FTCDNL1: variants seen among roughly 807,000 people sequenced by gnomAD.
FTCDNL1 encodes the protein formiminotransferase cyclodeaminase N-terminal like.
A neutral mutation model predicts 5.9 loss-of-function variants in FTCDNL1; 11 were observed. That is an observed-to-expected ratio of 1.87 (90% CI 1.18 to 3.10). The LOEUF (loss-of-function observed/expected upper bound fraction) is 3.10, where lower values mean the gene tolerates loss of function less well. Among genes scored for constraint, FTCDNL1 ranks in the 30% most tolerant of loss-of-function variants. The probability of loss-of-function intolerance (pLI) is 0.00; values close to 1 mark genes in which losing one functional copy is unlikely to be tolerated. For missense variants in FTCDNL1, 115 were observed against 65.5 expected (o/e 1.76, Z -2.61); for synonymous variants, 58 against 24.8 (o/e 2.34, Z -3.99).
intron 3 of FTCDNL1, among the ~76,000 whole-genome samples, chr2:199,793,722 A>G (rs966082690): frequency 2.6e-5 from 4 of 152,224 alleles, no homozygotes; most frequent in Admixed American, 6.5e-5. Flanking sequence ...CCCCTTAAAC[A>G]TACGGCATTG....
the FTCDNL1 span, among the ~76,000 whole-genome samples, chr2:199,746,698 A>G: frequency 6.6e-6 from 1 of 151,944 alleles, no homozygotes; most frequent in African/African-American, 2.4e-5. Context: ...CTGAACCCTC[A>G]TGAATGAGAC....
the FTCDNL1 span, among the ~76,000 whole-genome samples, chr2:199,721,720 G>C: frequency 6.6e-6 from 1 of 152,118 alleles, no homozygotes; most frequent in Non-Finnish European, 1.5e-5. Flanking sequence ...CACAATAGTT[G>C]AGCTAATTTA....
At chr2:199,680,016 T>C in the FTCDNL1 span, among the ~76,000 whole-genome samples, 2 of 152,216 alleles carry the variant, frequency 1.3e-5, no homozygotes. Context: ...AGTCCTTTTA[T>C]ATTAGAGCTT....
At chr2:199,715,658 A>G in the FTCDNL1 span, among the ~76,000 whole-genome samples, 6 of 152,198 alleles carry the variant, frequency 3.9e-5, no homozygotes, top group Admixed American at 6.6e-5. Flanking sequence ...TTATCCATTG[A>G]AACATCCCTA....
chr2:199,818,489 C>T lies in FTCDNL1; in HGVS notation c.397+1083G>A, dbSNP rs79265171. On this transcript the variant is annotated intron_variant, in intron 4 of 4. Coordinates refer to ENST00000420128, the MANE Select transcript of FTCDNL1 (RefSeq NM_001363886.2). ...CAATAATGAGAGGGAGACATTATTA[C>T]GTCCGTTTTATAGATACGGGAACCA... The T allele has an allele frequency of 3.9e-3, 598 of 152,168 alleles. 4 individuals carry two copies. The highest frequency in any genetic ancestry group is 0.014 in the African/African-American group (568 of 41,508). 9.4% of individuals were successfully genotyped at this position (152,168 alleles called of 1,614,324 possible).
chr2:199,685,445 G>T, the FTCDNL1 span, among the ~76,000 whole-genome samples: 1 of 152,006 alleles, frequency 6.6e-6, no homozygotes, highest in Admixed American at 6.6e-5. Context: ...CTTTACTTCG[G>T]ACCCCATGTT....
chr2:199,664,713 C>A, the FTCDNL1 span, among the ~76,000 whole-genome samples: 1 of 152,188 alleles, frequency 6.6e-6, no homozygotes, highest in Non-Finnish European at 1.5e-5. Flanking sequence ...CCAAAAATCA[C>A]AAAACTAATT....
At chr2:199,750,271 T>C in the FTCDNL1 span, among the ~76,000 whole-genome samples, 1 of 151,898 alleles carries the variant, frequency 6.6e-6, no homozygotes, top group Non-Finnish European at 1.5e-5. Context: ...GGTGGGAGGA[T>C]TGCTAGAGCC....
At chr2:199,826,532 C>T (rs375833838) in intron 3 of FTCDNL1, among the ~76,000 whole-genome samples, 26 of 150,580 alleles carry the variant, frequency 1.7e-4, no homozygotes, top group African/African-American at 5.9e-4. Context: ...CGGTGGCTTA[C>T]GCCCATAATC....
chr2:199,685,456 C>A, the FTCDNL1 span, among the ~76,000 whole-genome samples: 3 of 152,166 alleles, frequency 2.0e-5, no homozygotes, highest in African/African-American at 7.2e-5. Context: ...ACCCCATGTT[C>A]ATTTAACTGC....
At chr2:199,742,568 G>A in the FTCDNL1 span, among the ~76,000 whole-genome samples, 2 of 152,144 alleles carry the variant, frequency 1.3e-5, no homozygotes, top group African/African-American at 2.4e-5. Flanking sequence ...TAGTTATTGT[G>A]TGTTAACTAT....
chr2:199,762,138 T>C (rs1056745891), intron 3 of FTCDNL1, among the ~76,000 whole-genome samples: 1 of 152,210 alleles, frequency 6.6e-6, no homozygotes, highest in East Asian at 1.9e-4. Context: ...CCCAGCACTT[T>C]GGGAGGCCGA....
At chr2:199,689,831 A>C in the FTCDNL1 span, among the ~76,000 whole-genome samples, 1 of 143,476 alleles carries the variant, frequency 7.0e-6, no homozygotes, top group African/African-American at 2.5e-5. Flanking sequence ...AAAAAAAAAG[A>C]ATATAATTAG....
Position 199,760,865 on chromosome 2 carries a change from T to C in FTCDNL1, c.212-30A>G, listed in dbSNP as rs151048082. On this transcript the variant is annotated intron_variant, in intron 3 of 3. Coordinates refer to the FTCDNL1 transcript ENST00000416668. Reference sequence around the variant, plus strand: ...GAATAAGGGAAGGAGAGATTAGTATTTGGAAGAGAAAGAGTGGTTGAGGCC... The same window carrying C: ...GAATAAGGGAAGGAGAGATTAGTATCTGGAAGAGAAAGAGTGGTTGAGGCC... The C allele has an allele frequency of 3.1e-3, 2,192 of 702,180 alleles. 9 individuals carry two copies. The highest frequency in any genetic ancestry group is 5.0e-3 in the Non-Finnish European group (1,939 of 384,742). The allele number at this position is 702,180 out of a possible 1,614,324, so 43.5% of individuals were successfully genotyped here. A position where few individuals can be genotyped will look rare whatever the true frequency, so the allele number is the denominator to read the frequency against.
the FTCDNL1 span, among the ~76,000 whole-genome samples, chr2:199,703,637 T>C: frequency 2.0e-5 from 3 of 152,168 alleles, no homozygotes; most frequent in Non-Finnish European, 4.4e-5. Context: ...GTGTGAAGGT[T>C]AAAAAATTGC....
chr2:199,718,499 T>A, the FTCDNL1 span, among the ~76,000 whole-genome samples: 6 of 152,214 alleles, frequency 3.9e-5, no homozygotes, highest in African/African-American at 1.4e-4. Context: ...TAAATAGTGA[T>A]GCAATTAACA....
At chr2:199,791,119 C>T (rs560492142) in intron 3 of FTCDNL1, among the ~76,000 whole-genome samples, 3 of 152,028 alleles carry the variant, frequency 2.0e-5, no homozygotes, top group Non-Finnish European at 2.9e-5. Flanking sequence ...GGAACTATTA[C>T]GTATCAATTA....
At chr2:199,786,071 C>T (rs533080668) in intron 3 of FTCDNL1, among the ~76,000 whole-genome samples, 6 of 152,230 alleles carry the variant, frequency 3.9e-5, no homozygotes, top group Non-Finnish European at 7.4e-5. Flanking sequence ...CAGTAATGCT[C>T]GGCTTGCCCT....
At chr2:199,720,187 C>T in the FTCDNL1 span, among the ~76,000 whole-genome samples, 9 of 152,158 alleles carry the variant, frequency 5.9e-5, no homozygotes, top group Non-Finnish European at 2.9e-5. Context: ...GCGATTTCCT[C>T]TTCTCCAATT....
Sources: allele counts gnomAD v4.1 joint callset (sites outside exome capture counted in the v4.1 genomes callset), GRCh38; gene constraint gnomAD v4.1.1; transcripts MANE v1.5; gene names NCBI Gene and HGNC (gene_info 2026-07-23, HGNC 2026-07-21).